Variants in SPATS2L observed in about 807,000 individuals in gnomAD.
SPATS2L encodes spermatogenesis associated serine rich 2 like, also known as SPATS2-like protein.
Under a neutral mutation model 59.6 loss-of-function variants are expected in SPATS2L, and 30 were observed. The observed-to-expected ratio is 0.50, with a 90% CI of 0.38 to 0.68. The LOEUF (loss-of-function observed/expected upper bound fraction) is 0.68. Ranked by LOEUF, SPATS2L falls within the 30% of genes least tolerant of loss-of-function variation. SPATS2L has a pLI of 0.00. For synonymous variants in SPATS2L, 252 were observed against 263.5 expected (o/e 0.96, Z 0.42); for missense variants, 615 against 700.0 (o/e 0.88, Z 1.37).
At chr2:200,435,941 A>T (rs2084258603) in intron 6 of SPATS2L, among the ~76,000 whole-genome samples, 2 of 152,180 alleles carry the variant, frequency 1.3e-5, no homozygotes, top group Admixed American at 1.3e-4. Flanking sequence ...AATCTTTTTT[A>T]AATTATTAAA....
At chr2:200,403,522 C>T (rs547888316) in intron 3 of SPATS2L, among the ~76,000 whole-genome samples, 1 of 152,332 alleles carries the variant, frequency 6.6e-6, no homozygotes, top group Non-Finnish European at 1.5e-5. Context: ...TGACCTCTCT[C>T]ATCTTCTAAT....
chr2:200,351,954 T>C (rs1242145086), intron 2 of SPATS2L, among the ~76,000 whole-genome samples: 1 of 152,152 alleles, frequency 6.6e-6, no homozygotes, highest in Admixed American at 6.5e-5. Flanking sequence ...TTTAATGGAT[T>C]CTAAGAATGT....
chr2:200,447,927 G>A (rs931098153), intron 8 of SPATS2L, among the ~76,000 whole-genome samples: 1 of 152,160 alleles, frequency 6.6e-6, no homozygotes, highest in East Asian at 1.9e-4. Context: ...AAGTAGTGAA[G>A]ACAAAAATCA....
intron 2 of SPATS2L, among the ~76,000 whole-genome samples, chr2:200,379,398 C>A (rs745556593): frequency 6.6e-6 from 1 of 152,118 alleles, no homozygotes; most frequent in Non-Finnish European, 1.5e-5. Context: ...GCTGGGTATA[C>A]GGTAAGAGTT....
chr2:200,421,656 A>G (rs1283344043), intron 6 of SPATS2L, among the ~76,000 whole-genome samples: 1 of 152,230 alleles, frequency 6.6e-6, no homozygotes, highest in East Asian at 1.9e-4. Flanking sequence ...ATGGTTTCCT[A>G]AAACCGAACA....
intron 1 of SPATS2L, among the ~76,000 whole-genome samples, chr2:200,322,377 G>A (rs1052881911): frequency 4.6e-5 from 7 of 152,160 alleles, no homozygotes; most frequent in Non-Finnish European, 1.0e-4. Context: ...GTAAATTGAT[G>A]CTGTCAAAGG....
At chr2:200,365,374 C>T (rs1415080387) in intron 2 of SPATS2L, among the ~76,000 whole-genome samples, 2 of 152,118 alleles carry the variant, frequency 1.3e-5, no homozygotes, top group Non-Finnish European at 2.9e-5. Flanking sequence ...ACAGCTGTAC[C>T]GGCTTGGCTG....
chr2:200,389,524 TGTTG>T, intron 3 of SPATS2L: 3 of 394,458 alleles, frequency 7.6e-6, no homozygotes, highest in East Asian at 8.4e-5. Context: ...AAGAAGATAC[TGTTG>T]TTATTTCCAT....
chr2:200,393,278 G>A, intron 3 of SPATS2L: 6 of 456,730 alleles, frequency 1.3e-5, no homozygotes, highest in South Asian at 4.6e-5. Flanking sequence ...AATATGGTAG[G>A]CAGAGCAGCC....
At position 200,419,511 on chromosome 2, in the gene SPATS2L, A is replaced by T; in HGVS notation, c.445+15A>T. On this transcript the variant is annotated intron_variant, in intron 6 of 12. Coordinates refer to ENST00000409140, the MANE Select transcript of SPATS2L (RefSeq NM_001100423.2). Reference sequence around the variant, plus strand: ...TGGGGTCACAGGTCAGTAATGCTTAAGTAAAATTGCTTAGGAAGGCATAGA... The same window carrying T: ...TGGGGTCACAGGTCAGTAATGCTTATGTAAAATTGCTTAGGAAGGCATAGA... 9.9e-6 allele frequency: 16 copies of T among 1,612,320 alleles called. No individual in the cohort carries two copies. The highest frequency in any genetic ancestry group is 1.4e-5 in the Non-Finnish European group (16 of 1,178,836).
At chr2:200,315,379 G>T (rs906401250) in intron 1 of SPATS2L, among the ~76,000 whole-genome samples, 1 of 152,168 alleles carries the variant, frequency 6.6e-6, no homozygotes, top group Non-Finnish European at 1.5e-5. Flanking sequence ...AATTCTCGTG[G>T]TATGGTAGAG....
At chr2:200,374,619 G>A (rs984542079) in intron 2 of SPATS2L, among the ~76,000 whole-genome samples, 14 of 151,926 alleles carry the variant, frequency 9.2e-5, no homozygotes, top group African/African-American at 3.4e-4. Context: ...GGCCCAGGAG[G>A]AGCACACTCA....
intron 6 of SPATS2L, among the ~76,000 whole-genome samples, chr2:200,431,808 TC>T (rs1355986389): frequency 1.3e-5 from 2 of 152,180 alleles, no homozygotes; most frequent in African/African-American, 4.8e-5. Flanking sequence ...TTTATATATT[TC>T]CCCCAAGAGG....
In SPATS2L at chr2:200,479,300, G is replaced by T. The variant is rs550532056; in HGVS notation, c.*1269G>T. ...GGGCCACCATGCTCTTAAGACTCAA[G>T]TCTATTTTCCACACTGTCCAGAGGA... On this transcript the variant is annotated 3_prime_UTR_variant, in exon 13 of 13. Transcript: ENST00000409140. 9 of 356,342 alleles carry T rather than the reference G, an allele frequency of 2.5e-5. No homozygotes were observed. In the East Asian group the frequency reaches 3.3e-4, roughly 13 times the overall value. 22.1% of individuals were successfully genotyped at this position (356,342 alleles called of 1,614,324 possible). A position where few individuals can be genotyped will look rare whatever the true frequency, so the allele number is the denominator to read the frequency against.
intron 1 of SPATS2L, among the ~76,000 whole-genome samples, chr2:200,317,715 C>T (rs903510582): frequency 2.0e-5 from 3 of 152,224 alleles, no homozygotes; most frequent in Admixed American, 6.5e-5. Flanking sequence ...TTTACATCCT[C>T]TGCCAGGATA....
intron 1 of SPATS2L, among the ~76,000 whole-genome samples, chr2:200,309,275 A>G (rs1256715485): frequency 5.3e-5 from 8 of 152,236 alleles, no homozygotes; most frequent in African/African-American, 1.9e-4. Context: ...AGTTTTAATC[A>G]GCATTTTCTG....
At chr2:200,311,782 C>T (rs942844976) in intron 1 of SPATS2L, among the ~76,000 whole-genome samples, 7 of 152,028 alleles carry the variant, frequency 4.6e-5, no homozygotes, top group African/African-American at 7.3e-5. Flanking sequence ...AAATAACAGA[C>T]GTATCCCAGA....
chr2:200,380,497 G>T (rs1382252558), intron 2 of SPATS2L, among the ~76,000 whole-genome samples: 7 of 152,216 alleles, frequency 4.6e-5, no homozygotes, highest in Admixed American at 4.6e-4. Context: ...CCCTAGATCT[G>T]CTCAAGTGAT....
At chr2:200,354,875 G>C (rs972396307) in intron 2 of SPATS2L, among the ~76,000 whole-genome samples, 2 of 152,132 alleles carry the variant, frequency 1.3e-5, no homozygotes, top group East Asian at 1.9e-4. Flanking sequence ...TATTTGCTGT[G>C]CCTGAACAAA....
Sources: allele counts gnomAD v4.1 joint callset (sites outside exome capture counted in the v4.1 genomes callset), GRCh38; gene constraint gnomAD v4.1.1; transcripts MANE v1.5; gene names NCBI Gene and HGNC (gene_info 2026-07-23, HGNC 2026-07-21).